OTOGL: variants seen among roughly 807,000 people sequenced by gnomAD.
The protein encoded by OTOGL is otogelin like.
Under a neutral mutation model 318.5 loss-of-function variants are expected in OTOGL, and 285 were observed. The ratio of observed to expected loss-of-function variants is 0.89; its 90% CI spans 0.81 to 0.99. OTOGL has a LOEUF of 0.99. Among genes scored for constraint, OTOGL ranks in the 50% least tolerant of loss-of-function variants. The pLI, the probability that OTOGL is intolerant of heterozygous loss-of-function variation, is 0.00. For missense variants in OTOGL, 2,899 were observed against 2,845.6 expected, an observed-to-expected ratio of 1.02 and a Z score of -0.43; for synonymous variants, 987 against 936.5, an observed-to-expected ratio of 1.05 and a Z score of -0.99.
intron 45 of OTOGL, 87 bp from the exon 46 acceptor site, chr12:80,353,238 T>C: frequency 8.8e-7 from 1 of 1,135,848 alleles, no homozygotes; most frequent in Non-Finnish European, 1.2e-6. Flanking sequence ...ATATATTTTC[T>C]AAAAGAAATC....
At chr12:80,364,141 G>A (rs993395434) in intron 52 of OTOGL, among the ~76,000 whole-genome samples, 4 of 152,038 alleles carry the variant, frequency 2.6e-5, no homozygotes, top group Non-Finnish European at 2.9e-5. Context: ...CACACAGAAC[G>A]TAACTAGTAG....
chr12:80,230,037 C>T (rs899872318), intron 8 of OTOGL, among the ~76,000 whole-genome samples: 2 of 151,420 alleles, frequency 1.3e-5, no homozygotes, highest in Non-Finnish European at 1.5e-5. Flanking sequence ...GTGGAATAAT[C>T]TACCTTCCAA....
At chr12:80,111,723 C>G (rs146965419) in intron 1 of OTOGL, among the ~76,000 whole-genome samples, 1 of 152,110 alleles carries the variant, frequency 6.6e-6, no homozygotes, top group Non-Finnish European at 1.5e-5. Flanking sequence ...ATTGTCTTGG[C>G]TATACAGGCT....
rs74603353 is a variant in OTOGL, at chr12:80,273,074, T to C, written c.2681+1264T>C. ...TGAGCTATTATCTTTTAAAATATATTTACTGTCACCTTTGATATTTAGTTG... is the reference window on the plus strand; with the variant it reads ...TGAGCTATTATCTTTTAAAATATATCTACTGTCACCTTTGATATTTAGTTG... On this transcript the variant is annotated intron_variant, in intron 24 of 58. Coordinates refer to ENST00000547103, the MANE Select transcript of OTOGL (RefSeq NM_001378609.3). Among the ~76,000 whole-genome samples, 1,045 of 152,256 alleles carry C rather than the reference T, an allele frequency of 6.9e-3. 12 individuals carry two copies. The highest frequency in any genetic ancestry group is 0.024 in the African/African-American group (995 of 41,572).
At chr12:80,147,766 T>G (rs1269459413) in intron 1 of OTOGL, among the ~76,000 whole-genome samples, 1 of 152,220 alleles carries the variant, frequency 6.6e-6, no homozygotes, top group African/African-American at 2.4e-5. Context: ...ATATTTAGGA[T>G]AGTTAGCTCT....
At chr12:80,143,038 T>C (rs1408861853) in intron 1 of OTOGL, among the ~76,000 whole-genome samples, 2 of 152,116 alleles carry the variant, frequency 1.3e-5, no homozygotes, top group East Asian at 1.9e-4. Context: ...TGAAGTAACA[T>C]AGCAGTATTC....
At chr12:80,333,156 T>A in intron 38 of OTOGL, 78 bp downstream of exon 38, 1 of 1,333,882 alleles carries the variant, frequency 7.5e-7, no homozygotes, top group South Asian at 1.3e-5. Context: ...AATATCCAAA[T>A]GCTACTAAAC....
chr12:80,281,807 G>C (rs1390982636), intron 26 of OTOGL, among the ~76,000 whole-genome samples: 1 of 151,706 alleles, frequency 6.6e-6, no homozygotes, highest in African/African-American at 2.4e-5. Context: ...GAAGTTCTGA[G>C]GATTGAATAG....
At chr12:80,292,984 G>A (rs1290292595) in intron 26 of OTOGL, among the ~76,000 whole-genome samples, 1 of 152,016 alleles carries the variant, frequency 6.6e-6, no homozygotes, top group Non-Finnish European at 1.5e-5. Flanking sequence ...AATTTGGAAA[G>A]GTTATCAAAT....
At chr12:80,103,684 T>A (rs529613743) in intron 1 of OTOGL, among the ~76,000 whole-genome samples, 123 of 152,362 alleles carry the variant, frequency 8.1e-4, no homozygotes, top group African/African-American at 2.9e-3. Context: ...TGCACATAGT[T>A]GGCATTCAAT....
At chr12:80,247,205 G>A (rs1215674977) in intron 11 of OTOGL, among the ~76,000 whole-genome samples, 1 of 148,780 alleles carries the variant, frequency 6.7e-6, no homozygotes, top group Non-Finnish European at 1.5e-5. Flanking sequence ...CCTTCTGTTA[G>A]CTTTTGAATG....
At chr12:80,115,988 C>T (rs1870135728) in intron 1 of OTOGL, among the ~76,000 whole-genome samples, 1 of 135,812 alleles carries the variant, frequency 7.4e-6, no homozygotes, top group Admixed American at 7.3e-5. Flanking sequence ...TTCCTGGGCT[C>T]TGTGGGACTG....
chr12:80,301,793 G>T (rs1482764017), intron 27 of OTOGL, among the ~76,000 whole-genome samples: 1 of 152,144 alleles, frequency 6.6e-6, no homozygotes, highest in South Asian at 2.1e-4. Flanking sequence ...ACCTCCAGTG[G>T]AAGCCTGAAA....
chr12:80,309,904 A>T (rs1285612725), intron 29 of OTOGL, among the ~76,000 whole-genome samples: 1 of 152,148 alleles, frequency 6.6e-6, no homozygotes, highest in African/African-American at 2.4e-5. Flanking sequence ...AGGGCGTTGA[A>T]GCCAGGACGC....
At chr12:80,322,877 A>C (rs1471327755) in intron 34 of OTOGL, among the ~76,000 whole-genome samples, 1 of 152,212 alleles carries the variant, frequency 6.6e-6, no homozygotes, top group East Asian at 1.9e-4. Flanking sequence ...ATTTGAGTTC[A>C]TGAAATGTAT....
At chr12:80,151,207 A>C (rs1471073628) in intron 1 of OTOGL, among the ~76,000 whole-genome samples, 1 of 152,170 alleles carries the variant, frequency 6.6e-6, no homozygotes, top group Non-Finnish European at 1.5e-5. Context: ...ATGTACAAAA[A>C]GCAACTCTAA....
At chr12:80,366,963 A>G (rs1890579623) in intron 53 of OTOGL, among the ~76,000 whole-genome samples, 1 of 151,796 alleles carries the variant, frequency 6.6e-6, no homozygotes, top group Non-Finnish European at 1.5e-5. Flanking sequence ...TATGCCCATT[A>G]TATTAGTATT....
chr12:80,356,398 A>C lies in OTOGL; in HGVS notation c.5807-18A>C. On this transcript the variant is annotated intron_variant, in intron 47 of 58. Transcript: ENST00000547103. The stretch of plus-strand genomic sequence containing the variant: ...TAGTTGTGTTCACTAATATTTTAAC[A>C]GTTTTTCTTATTTATAGGATGTGAC... 1 of 1,578,954 alleles carries C rather than the reference A, an allele frequency of 6.3e-7. No homozygotes were observed. The highest frequency in any genetic ancestry group is 8.7e-7 in the Non-Finnish European group (1 of 1,152,716).
chr12:80,108,320 T>A (rs953375327), intron 1 of OTOGL, among the ~76,000 whole-genome samples: 6 of 152,066 alleles, frequency 3.9e-5, no homozygotes, highest in Non-Finnish European at 5.9e-5. Context: ...ATTGTTATAA[T>A]TATAACAATT....
Sources: allele counts gnomAD v4.1 joint callset (sites outside exome capture counted in the v4.1 genomes callset), GRCh38; gene constraint gnomAD v4.1.1; transcripts MANE v1.5; gene names NCBI Gene and HGNC (gene_info 2026-07-23, HGNC 2026-07-21).